Variants in TET2 observed in about 807,000 individuals in gnomAD.
TET2 encodes methylcytosine dioxygenase TET2.
In TET2, 299 loss-of-function variants were observed where a neutral mutation model predicts 142.9. That is an observed-to-expected ratio of 2.09 (90% CI 1.90 to 2.30). The LOEUF (loss-of-function observed/expected upper bound fraction) is 2.30. Among genes scored for constraint, TET2 ranks in the 30% most tolerant of loss-of-function variants. The probability of loss-of-function intolerance (pLI) is 0.00; values close to 1 mark genes in which losing one functional copy is unlikely to be tolerated. For synonymous variants in TET2, 819 were observed against 849.0 expected, an observed-to-expected ratio of 0.96 and a Z score of 0.61; for missense variants, 2,418 against 2,378.0, an observed-to-expected ratio of 1.02 and a Z score of -0.35.
chr4:105,191,367 T>C (rs1725777723), intron 2 of TET2, among the ~76,000 whole-genome samples: 2 of 152,224 alleles, frequency 1.3e-5, no homozygotes, highest in South Asian at 2.1e-4. Context: ...AGGGAACTAA[T>C]ATATTTTTGT....
chr4:105,203,865 A>G (rs75321784), intron 2 of TET2, among the ~76,000 whole-genome samples: 17,429 of 151,958 alleles, frequency 0.11, 1,048 homozygotes, highest in Middle Eastern at 0.2. Context: ...GTCTCCTCCC[A>G]CCCCTGTTTT....
At chr4:105,161,533 A>G (rs1009852314) in intron 1 of TET2, among the ~76,000 whole-genome samples, 1 of 152,204 alleles carries the variant, frequency 6.6e-6, no homozygotes, top group Non-Finnish European at 1.5e-5. Context: ...CAGAGCCATT[A>G]CTGAACACTC....
intron 2 of TET2, among the ~76,000 whole-genome samples, chr4:105,194,912 T>C (rs1395521078): frequency 5.3e-5 from 8 of 152,188 alleles, no homozygotes; most frequent in Non-Finnish European, 7.4e-5. Flanking sequence ...CTCTTATACA[T>C]GGTGTCTTGC....
chr4:105,171,188 T>A (rs1724446553), intron 1 of TET2, among the ~76,000 whole-genome samples: 1 of 152,148 alleles, frequency 6.6e-6, no homozygotes, highest in Non-Finnish European at 1.5e-5. Flanking sequence ...CATTTCTGTT[T>A]TATTCAAAGT....
chr4:105,163,608 G>C (rs1437264701), intron 1 of TET2, among the ~76,000 whole-genome samples: 2 of 151,946 alleles, frequency 1.3e-5, no homozygotes, highest in Non-Finnish European at 2.9e-5. Flanking sequence ...ATTTTTGTTG[G>C]TGCTATTACT....
chr4:105,277,858 A>G lies in TET2; in HGVS notation c.*1339A>G. On this transcript the variant is annotated 3_prime_UTR_variant, in exon 11 of 11. Transcript: ENST00000380013. ...ATTTTATGGATCATAGGCTCTTCAGAGAACTGAATGGCAGTCTGCCTTTGT... is the reference window on the plus strand; with the variant it reads ...ATTTTATGGATCATAGGCTCTTCAGGGAACTGAATGGCAGTCTGCCTTTGT... The G allele has an allele frequency of 4.5e-6, 1 of 224,164 alleles. No individual in the cohort carries two copies. The highest frequency in any genetic ancestry group is 8.9e-6 in the Non-Finnish European group (1 of 112,404). 13.9% of individuals were successfully genotyped at this position (224,164 alleles called of 1,614,324 possible). A position where few individuals can be genotyped will look rare whatever the true frequency, so the allele number is the denominator to read the frequency against.
intron 1 of TET2, among the ~76,000 whole-genome samples, chr4:105,156,938 T>C (rs1723596170): frequency 6.6e-6 from 1 of 152,188 alleles, no homozygotes; most frequent in Non-Finnish European, 1.5e-5. Context: ...TGCTTTGAAG[T>C]TATAGAATTT....
At chr4:105,197,847 G>A (rs1477256443) in intron 2 of TET2, among the ~76,000 whole-genome samples, 1 of 152,156 alleles carries the variant, frequency 6.6e-6, no homozygotes, top group Non-Finnish European at 1.5e-5. Flanking sequence ...GTAAGGCAAG[G>A]AAGAGTAGTT....
At chr4:105,215,861 G>A (rs376306136) in intron 2 of TET2, among the ~76,000 whole-genome samples, 2 of 152,278 alleles carry the variant, frequency 1.3e-5, no homozygotes, top group Non-Finnish European at 1.5e-5. Context: ...GCAGAGCAGT[G>A]TAGAATTTTT....
At chr4:105,155,568 A>G (rs1192707497) in intron 1 of TET2, among the ~76,000 whole-genome samples, 1 of 152,178 alleles carries the variant, frequency 6.6e-6, no homozygotes, top group Non-Finnish European at 1.5e-5. Context: ...TTGTATTTGA[A>G]TTTCTAACCT....
chr4:105,241,903 T>C (rs1421025891), intron 4 of TET2: 5 of 1,245,686 alleles, frequency 4.0e-6, no homozygotes, highest in Admixed American at 8.5e-5. Context: ...GTGTGATATG[T>C]TGAATAGAAA....
At chr4:105,244,012 G>A (rs896251071) in intron 6 of TET2, among the ~76,000 whole-genome samples, 4 of 152,190 alleles carry the variant, frequency 2.6e-5, no homozygotes, top group East Asian at 1.9e-4. Flanking sequence ...CAGAGTGTCT[G>A]TAACCACATG....
At chr4:105,166,149 A>G (rs1361300253) in intron 1 of TET2, among the ~76,000 whole-genome samples, 1 of 152,170 alleles carries the variant, frequency 6.6e-6, no homozygotes, top group East Asian at 1.9e-4. Context: ...AATAAAATTC[A>G]CTGTAACACC....
intron 2 of TET2, among the ~76,000 whole-genome samples, chr4:105,228,029 C>T (rs1728287119): frequency 6.6e-6 from 1 of 152,064 alleles, no homozygotes. Flanking sequence ...ATGCATAGGT[C>T]TCATTTCCTT....
At chr4:105,242,630 G>T in intron 4 of TET2, 1 of 1,333,062 alleles carries the variant, frequency 7.5e-7, no homozygotes. Flanking sequence ...ACAATTATCT[G>T]TACATTTTGA....
Position 105,275,648 on chromosome 4 carries a change from C to T in TET2, c.5138C>T (p.Pro1713Leu), listed in dbSNP as rs1378398400. 2 of 1,551,900 alleles carry T rather than the reference C, an allele frequency of 1.3e-6. No homozygotes were observed. Among genetic ancestry groups the T allele is most frequent in the Admixed American group, 3.9e-5 (2 of 50,996 alleles). Residue 1713 changes from proline to leucine, a missense_variant, in exon 11 of 11, where the codon CCA becomes CTA. Coordinates refer to ENST00000380013, the MANE Select transcript of TET2 (RefSeq NM_001127208.3). ...GGTTTCAGCAGTTGTACCATTAGAC[C>T]AAATGTACATCATGTAGGGAAATTG... ...GDGFSSCTIR[P>L]NVHHVGKLPP...
intron 1 of TET2, among the ~76,000 whole-genome samples, chr4:105,153,114 A>G (rs72955130): frequency 0.022 from 3,354 of 152,320 alleles, 126 homozygotes; most frequent in African/African-American, 0.076. Flanking sequence ...AGTTAATTAT[A>G]GATTCATATG....
intron 2 of TET2, among the ~76,000 whole-genome samples, chr4:105,207,506 T>C (rs1354257773): frequency 6.6e-6 from 1 of 152,096 alleles, no homozygotes; most frequent in East Asian, 1.9e-4. Flanking sequence ...AAAAGACAAG[T>C]GGAAAGCCCT....
intron 1 of TET2, among the ~76,000 whole-genome samples, chr4:105,154,906 T>A (rs939343643): frequency 1.3e-5 from 2 of 152,074 alleles, no homozygotes; most frequent in Non-Finnish European, 1.5e-5. Context: ...ATCCCTGTAG[T>A]TCCAGGTACT....
Sources: allele counts gnomAD v4.1 joint callset (sites outside exome capture counted in the v4.1 genomes callset), GRCh38; gene constraint gnomAD v4.1.1; transcripts MANE v1.5; gene names NCBI Gene and HGNC (gene_info 2026-07-23, HGNC 2026-07-21).